GALNT15: variants seen among roughly 807,000 people sequenced by gnomAD.
The protein encoded by GALNT15 is polypeptide N-acetylgalactosaminyltransferase 15.
Under a neutral mutation model 66.8 loss-of-function variants are expected in GALNT15, and 67 were observed. That is an observed-to-expected ratio of 1.00 (90% CI 0.82 to 1.23). The LOEUF (loss-of-function observed/expected upper bound fraction) is 1.23. GALNT15 is among the 50% of genes most tolerant of loss of function. The pLI is 0.00. For synonymous variants in GALNT15, 313 were observed against 311.5 expected (o/e 1.00, Z -0.05); for missense variants, 827 against 804.3 (o/e 1.03, Z -0.34).
Position 16,229,198 on chromosome 3 carries a change from A to G in GALNT15, c.*1698A>G. 7 of 985,320 alleles carry G rather than the reference A, an allele frequency of 7.1e-6. No individual in the cohort carries two copies. The highest frequency in any genetic ancestry group is 8.4e-6 in the Non-Finnish European group (7 of 829,862). The allele number at this position is 985,320 out of a possible 1,614,324, so 61.0% of individuals were successfully genotyped here. On this transcript the variant is annotated 3_prime_UTR_variant, in exon 10 of 10. Coordinates refer to ENST00000339732, the MANE Select transcript of GALNT15 (RefSeq NM_054110.5). The stretch of plus-strand genomic sequence containing the variant: ...TTTCCAAACAATACCTATCATAACT[A>G]CGTATTCATTGTCTACCTGCTAAGT...
At position 16,186,625 on chromosome 3, in the gene GALNT15, T is replaced by C. The variant is rs1370768890; in HGVS notation, c.540-9135T>C. Among the ~76,000 whole-genome samples the C allele has an allele frequency of 6.6e-6, 1 of 152,204 alleles. No homozygotes were observed. Among genetic ancestry groups the C allele is most frequent in the Non-Finnish European group, 1.5e-5 (1 of 68,028 alleles). On this transcript the variant is annotated intron_variant, in intron 1 of 9. Transcript: ENST00000339732. The surrounding 1 kb of genome is among the most constrained non-coding windows in gnomAD (Gnocchi z 5.1). ...GCAGTAAAAAGAAATGAAGTACTGA[T>C]ATAGACTACAACATGATTAAGCTTG...
rs1202851815 is a variant in GALNT15, at chr3:16,184,621, C to T, written c.539+8931C>T. ...TTGGTTATGTTTAATAGGACATAAA[C>T]TCCATGCTATTAGGGGCTATCTTAG... On this transcript the variant is annotated intron_variant, in intron 1 of 9. Transcript: ENST00000339732. This position sits in a 1 kb window ranked among gnomAD's most constrained non-coding sequence, Gnocchi z 5.0. Among the ~76,000 whole-genome samples the T allele has an allele frequency of 6.6e-6, 1 of 152,222 alleles. No individual in the cohort carries two copies. The highest frequency in any genetic ancestry group is 2.4e-5 in the African/African-American group (1 of 41,460).
rs1330735332 is a variant in GALNT15, at chr3:16,222,731, C to T, written c.1746C>T (p.Ile582=). 3.1e-6 allele frequency: 5 copies of T among 1,614,042 alleles called. No homozygotes were observed. The highest frequency in any genetic ancestry group is 3.4e-6 in the Non-Finnish European group (4 of 1,180,042). The change falls in exon 9 of 10, where the codon ATC becomes ATT. Residue 582 remains isoleucine (I), a synonymous_variant. Transcript: ENST00000339732. ...ACTGCACGGAGGAAGGCCTGGCCAT[C>T]CACCAGCAGCACTGGGACTTCCAGG... is the stretch of plus-strand genomic sequence containing the variant. The part of the protein sequence containing the change: ...LQNCTEEGLA[I]HQQHWDFQEN...
At chr3:16,199,646 G>A (rs1439736214) in intron 2 of GALNT15, among the ~76,000 whole-genome samples, 1 of 97,976 alleles carries the variant, frequency 1.0e-5, no homozygotes, top group Non-Finnish European at 2.3e-5. Flanking sequence ...GGGAAGAGCT[G>A]AACAAATATG....
chr3:16,216,445 G>A (rs2063878718), intron 6 of GALNT15, among the ~76,000 whole-genome samples: 1 of 151,344 alleles, frequency 6.6e-6, no homozygotes. Flanking sequence ...TTTGTAGTGA[G>A]CTGATATCGC....
intron 1 of GALNT15, among the ~76,000 whole-genome samples, chr3:16,194,573 A>G (rs13080174): frequency 0.048 from 7,334 of 152,304 alleles, 225 homozygotes; most frequent in Middle Eastern, 0.082. Context: ...AAGTCACGGA[A>G]TCAACCCAAA....
Position 16,200,924 on chromosome 3 carries a change from C to A in GALNT15, c.911+101C>A. Reference sequence around the variant, plus strand: ...GCAACCCACCTATTAATTCCTGAATCTCCATTAGAGAGTGATATATTCCCT... The same window carrying A: ...GCAACCCACCTATTAATTCCTGAATATCCATTAGAGAGTGATATATTCCCT... On this transcript the variant is annotated intron_variant, in intron 3 of 9. Coordinates refer to ENST00000339732, the MANE Select transcript of GALNT15 (RefSeq NM_054110.5). This position sits in a 1 kb window ranked among gnomAD's most constrained non-coding sequence, Gnocchi z 4.4. 1 of 867,766 alleles carries A rather than the reference C, an allele frequency of 1.2e-6. No homozygotes were observed. The highest frequency in any genetic ancestry group is 1.7e-6 in the Non-Finnish European group (1 of 576,290). 53.8% of individuals were successfully genotyped at this position (867,766 alleles called of 1,614,324 possible).
intron 6 of GALNT15, among the ~76,000 whole-genome samples, chr3:16,217,099 G>A (rs2063887552): frequency 6.6e-6 from 1 of 152,202 alleles, no homozygotes; most frequent in African/African-American, 2.4e-5. Flanking sequence ...TGACCTCTTA[G>A]AAGCTATTGA....
At chr3:16,217,733 T>G (rs967101771) in intron 6 of GALNT15, among the ~76,000 whole-genome samples, 1 of 152,154 alleles carries the variant, frequency 6.6e-6, no homozygotes, top group African/African-American at 2.4e-5. Context: ...AAAGATTGGG[T>G]AGATTTATCA....
rs754138712 is a variant in GALNT15, at chr3:16,175,432, A to T, written c.281A>T (p.Gln94Leu). The change falls in exon 1 of 10, where the codon CAG (glutamine) becomes CTG (leucine). Residue 94 changes from glutamine (Q) to leucine (L), a missense_variant. Coordinates refer to ENST00000339732, the MANE Select transcript of GALNT15 (RefSeq NM_054110.5). This position sits in a 1 kb window ranked among gnomAD's most constrained non-coding sequence, Gnocchi z 5.6. ...LPPFISLRED[Q>L]LLVAVALPQA... ...CCCTTTATCTCACTGCGGGAGGATC[A>T]GCTGCTGGTGGCCGTGGCCTTACCC... The T allele has an allele frequency of 6.2e-7, 1 of 1,614,074 alleles. No homozygotes were observed. The highest frequency in any genetic ancestry group is 8.5e-7 in the Non-Finnish European group (1 of 1,180,032).
At chr3:16,226,253 G>A (rs1207802383) in intron 9 of GALNT15, among the ~76,000 whole-genome samples, 2 of 152,110 alleles carry the variant, frequency 1.3e-5, no homozygotes, top group Non-Finnish European at 2.9e-5. Context: ...AAAATATTCT[G>A]GAAGTAGGTA....
rs2064003094 is a variant in GALNT15 at position 16,225,720 on chromosome 3, G to GA, written c.1774-1627dup. On this transcript the variant is annotated intron_variant, in intron 9 of 9. Coordinates refer to ENST00000339732, the MANE Select transcript of GALNT15 (RefSeq NM_054110.5). This position sits in a 1 kb window ranked among gnomAD's most constrained non-coding sequence, Gnocchi z 4.4. Reference sequence around the variant, plus strand: ...AATAAATAAATAAATAAAAGAAAAAGAAAAAAAGAAGAAAAAGATTTGTGG... The same window carrying GA: ...AATAAATAAATAAATAAAAGAAAAAGAAAAAAAAGAAGAAAAAGATTTGTGG... Among the ~76,000 whole-genome samples the GA allele has an allele frequency of 6.6e-6, 1 of 150,916 alleles. No homozygotes were observed. Among genetic ancestry groups the GA allele is most frequent in the Non-Finnish European group, 1.5e-5 (1 of 67,758 alleles).
chr3:16,229,282 A>G lies in GALNT15; in HGVS notation c.*1782A>G, dbSNP rs773215134. ...ACACTCTGGACCTGTGCTGTCTAATATGGTAGCCACTAACAAAATGTGGCC... is the reference window on the plus strand; with the variant it reads ...ACACTCTGGACCTGTGCTGTCTAATGTGGTAGCCACTAACAAAATGTGGCC... On this transcript the variant is annotated 3_prime_UTR_variant, in exon 10 of 10. Coordinates refer to ENST00000339732, the MANE Select transcript of GALNT15 (RefSeq NM_054110.5). The G allele has an allele frequency of 1.2e-5, 12 of 979,292 alleles. No individual in the cohort carries two copies. The highest frequency in any genetic ancestry group is 1.5e-5 in the Non-Finnish European group (12 of 824,436). 60.7% of individuals were successfully genotyped at this position (979,292 alleles called of 1,614,324 possible). A position where few individuals can be genotyped will look rare whatever the true frequency, so the allele number is the denominator to read the frequency against.
Position 16,227,234 on chromosome 3 carries a change from C to T in GALNT15, c.1774-120C>T, listed in dbSNP as rs2064029971. ...TGATCAAAATACCACAATTCCTTTCCAGGCCAGTTCACACCATCTGTTATT... is the reference window on the plus strand; with the variant it reads ...TGATCAAAATACCACAATTCCTTTCTAGGCCAGTTCACACCATCTGTTATT... On this transcript the variant is annotated intron_variant, in intron 9 of 9. Transcript: ENST00000339732. The surrounding 1 kb of genome is among the most constrained non-coding windows in gnomAD (Gnocchi z 4.5). 2.8e-6 allele frequency: 3 copies of T among 1,055,938 alleles called. No homozygotes were observed. The highest frequency in any genetic ancestry group is 4.1e-6 in the Non-Finnish European group (3 of 739,724). 65.4% of individuals were successfully genotyped at this position (1,055,938 alleles called of 1,614,324 possible).
At position 16,229,980 on chromosome 3, in the gene GALNT15, G is replaced by A. The variant is rs2064066386; in HGVS notation, c.*2480G>A. On this transcript the variant is annotated 3_prime_UTR_variant, in exon 10 of 10. Coordinates refer to ENST00000339732, the MANE Select transcript of GALNT15 (RefSeq NM_054110.5). Reference sequence around the variant, plus strand: ...GGACCTTCTCCTTTAGTGTAACCAAGTGTTCAAATTCCCTTCTTCTCTATG... The same window carrying A: ...GGACCTTCTCCTTTAGTGTAACCAAATGTTCAAATTCCCTTCTTCTCTATG... Among the ~76,000 whole-genome samples, 1 of 152,138 alleles carries A rather than the reference G, an allele frequency of 6.6e-6. No homozygotes were observed. Among genetic ancestry groups the A allele is most frequent in the Non-Finnish European group, 1.5e-5 (1 of 68,026 alleles).
chr3:16,207,774 T>C (rs919664179), intron 3 of GALNT15, among the ~76,000 whole-genome samples: 3 of 152,122 alleles, frequency 2.0e-5, no homozygotes, highest in African/African-American at 7.2e-5. Flanking sequence ...TGCACAATAT[T>C]TTTTATATGG....
At chr3:16,241,803 C>T in the GALNT15 span, among the ~76,000 whole-genome samples, 1 of 152,158 alleles carries the variant, frequency 6.6e-6, no homozygotes, top group Non-Finnish European at 1.5e-5. The surrounding 1 kb of genome is among the most constrained non-coding windows in gnomAD (Gnocchi z 4.6). Flanking sequence ...TCACCTCGGC[C>T]TCCCAAAGTG....
intron 3 of GALNT15, among the ~76,000 whole-genome samples, chr3:16,206,605 G>A (rs1239201363): frequency 2.0e-5 from 3 of 148,396 alleles, no homozygotes; most frequent in Non-Finnish European, 4.5e-5. Context: ...CCTGGGAGGC[G>A]GAGCTTGCAG....
In GALNT15 at chr3:16,175,530, GA is replaced by G. The variant is rs1245705537; in HGVS notation, c.380del (p.Asp127ValfsTer23). The G allele has an allele frequency of 2.5e-6, 4 of 1,614,102 alleles. No individual in the cohort carries two copies. Among genetic ancestry groups the G allele is most frequent in the Non-Finnish European group, 3.4e-6 (4 of 1,179,992 alleles). On this transcript the variant is annotated frameshift_variant, in exon 1 of 10. Coordinates refer to ENST00000339732, the MANE Select transcript of GALNT15 (RefSeq NM_054110.5). LOFTEE classifies it high-confidence loss of function. The surrounding 1 kb of genome is among the most constrained non-coding windows in gnomAD (Gnocchi z 5.6). ...YRLIKQPRRQ[D>X]KEAPKRDWGA... The stretch of plus-strand genomic sequence containing the variant: ...CCTCATCAAGCAGCCAAGGAGGCAG[GA>G]TAAGGAAGCCCCAAAGAGGGACTGG...
Sources: allele counts gnomAD v4.1 joint callset (sites outside exome capture counted in the v4.1 genomes callset), GRCh38; gene constraint gnomAD v4.1.1; non-coding constraint Gnocchi (gnomAD v3.1); transcripts MANE v1.5; gene names NCBI Gene and HGNC (gene_info 2026-07-23, HGNC 2026-07-21).